The following IL1RAPL2 variants were observed in gnomAD, a reference collection of about 807,000 sequenced individuals.
IL1RAPL2 encodes the protein interleukin 1 receptor accessory protein like 2, also known as X-linked interleukin-1 receptor accessory protein-like 2.
Under a neutral mutation model 44.1 loss-of-function variants are expected in IL1RAPL2, and 3 were observed. The ratio of observed to expected loss-of-function variants is 0.07; its 90% confidence interval spans 0.03 to 0.18. The LOEUF (loss-of-function observed/expected upper bound fraction) is 0.18. IL1RAPL2 is among the 10% of genes least tolerant of loss of function. IL1RAPL2 has a pLI of 1.00. For missense variants in IL1RAPL2, 391 were observed against 496.4 expected, an observed-to-expected ratio of 0.79 and a Z score of 2.02; for synonymous variants, 181 against 178.8, an observed-to-expected ratio of 1.01 and a Z score of -0.10.
chrX:105,175,734 TATTCTG>T (rs1229360787), intron 2 of IL1RAPL2, among the ~76,000 whole-genome samples: 1 of 110,978 alleles, frequency 9.0e-6, no homozygotes, highest in African/African-American at 3.3e-5. Context: ...TTACCTCACT[TATTCTG>T]ATTCTGACAA....
At chrX:104,815,893 C>T (rs192014801) in intron 2 of IL1RAPL2, among the ~76,000 whole-genome samples, 3 of 104,677 alleles carry the variant, frequency 2.9e-5, no homozygotes, top group Admixed American at 1.0e-4. Context: ...TGACATCATA[C>T]GTGTTTTTGA....
intron 2 of IL1RAPL2, among the ~76,000 whole-genome samples, chrX:104,754,373 G>A (rs1399891152): frequency 8.9e-6 from 1 of 111,810 alleles, no homozygotes; most frequent in East Asian, 2.8e-4. Flanking sequence ...ACTGGGTATT[G>A]AAATATATTT....
intron 2 of IL1RAPL2, among the ~76,000 whole-genome samples, chrX:104,798,308 A>T (rs920039830): frequency 9.1e-6 from 1 of 109,992 alleles, no homozygotes; most frequent in African/African-American, 3.3e-5. Context: ...CAACCTAGAG[A>T]ACAGCTGGTT....
chrX:105,093,750 G>T (rs1304826780), intron 2 of IL1RAPL2, among the ~76,000 whole-genome samples: 1 of 111,805 alleles, frequency 8.9e-6, no homozygotes, highest in Non-Finnish European at 1.9e-5. Context: ...ACAGTGGCTA[G>T]CAGTAGAAAC....
chrX:105,296,852 A>G (rs1354800647), intron 5 of IL1RAPL2, among the ~76,000 whole-genome samples: 1 of 112,094 alleles, frequency 8.9e-6, no homozygotes, highest in Non-Finnish European at 1.9e-5. Flanking sequence ...TAACTCTAAA[A>G]ACATTCATCT....
chrX:105,038,149 C>A (rs1353305057), intron 2 of IL1RAPL2, among the ~76,000 whole-genome samples: 1 of 111,324 alleles, frequency 9.0e-6, no homozygotes, highest in Non-Finnish European at 1.9e-5. Context: ...ATCAGGCCCA[C>A]ACTTCTGGCT....
chrX:105,489,153 T>C (rs2036291008), intron 6 of IL1RAPL2, among the ~76,000 whole-genome samples: 1 of 111,870 alleles, frequency 8.9e-6, no homozygotes, highest in Non-Finnish European at 1.9e-5. Context: ...CCTGTGGTAA[T>C]GTATGATATA....
chrX:104,671,176 G>A lies in IL1RAPL2; in HGVS notation c.82+12181G>A, dbSNP rs774526233. The stretch of plus-strand genomic sequence containing the variant: ...TGTATAGGTATATACATATGCATGT[G>A]TATACACACACACACACACGCACAC... On this transcript the variant is annotated intron_variant, in intron 2 of 10. Transcript: ENST00000372582. 1.2e-4 allele frequency among the ~76,000 whole-genome samples: 13 copies of A among 110,256 alleles called. No homozygotes were observed. The South Asian group carries it at 4.7e-3, about 40-fold the overall frequency.
At chrX:105,302,543 G>T (rs145682104) in intron 5 of IL1RAPL2, among the ~76,000 whole-genome samples, 85 of 112,008 alleles carry the variant, frequency 7.6e-4, no homozygotes, top group Middle Eastern at 9.3e-3. Context: ...TGTCATCTGT[G>T]TGCTAGGGCA....
intron 2 of IL1RAPL2, among the ~76,000 whole-genome samples, chrX:105,046,794 G>A (rs984914900): frequency 1.1e-4 from 11 of 99,268 alleles, no homozygotes; most frequent in African/African-American, 2.6e-4. Context: ...TCTCTACATC[G>A]CCTACTTTAC....
At chrX:105,749,161 A>G (rs1364500378) in intron 9 of IL1RAPL2, 58 bp downstream of exon 9, 1 of 1,100,706 alleles carries the variant, frequency 9.1e-7, no homozygotes, top group African/African-American at 1.8e-5. Flanking sequence ...TGATTATGTA[A>G]GAGAACTTCC....
intron 3 of IL1RAPL2, among the ~76,000 whole-genome samples, chrX:105,214,725 A>G (rs183935653): frequency 8.9e-6 from 1 of 112,154 alleles, no homozygotes; most frequent in East Asian, 2.8e-4. Context: ...CATAATTGCT[A>G]GTACAACACT....
intron 5 of IL1RAPL2, among the ~76,000 whole-genome samples, chrX:105,342,012 A>G (rs2041383796): frequency 2.7e-5 from 3 of 109,764 alleles, no homozygotes; most frequent in Admixed American, 1.9e-4. Flanking sequence ...CTTTGCAGGG[A>G]CATGGATGAA....
At chrX:104,831,524 G>C in intron 2 of IL1RAPL2, among the ~76,000 whole-genome samples, 1 of 111,649 alleles carries the variant, frequency 9.0e-6, no homozygotes, top group African/African-American at 3.2e-5. Flanking sequence ...AGCAGGGCAG[G>C]GAGTCACACA....
chrX:105,254,778 C>T (rs752818895), intron 4 of IL1RAPL2, among the ~76,000 whole-genome samples: 2 of 112,079 alleles, frequency 1.8e-5, no homozygotes, highest in East Asian at 2.8e-4. Flanking sequence ...ATATGACTAG[C>T]CAGTTGTCCC....
intron 2 of IL1RAPL2, among the ~76,000 whole-genome samples, chrX:105,035,700 C>A (rs1264275130): frequency 1.8e-5 from 2 of 112,230 alleles, no homozygotes; most frequent in Non-Finnish European, 3.8e-5. Flanking sequence ...CTTATTCTCA[C>A]AAATAAAATA....
chrX:105,648,371 A>G (rs2037620875), intron 6 of IL1RAPL2, among the ~76,000 whole-genome samples: 3 of 111,747 alleles, frequency 2.7e-5, no homozygotes, highest in Admixed American at 9.5e-5. Context: ...TGCTAGGAAT[A>G]TGTCCAGTTT....
chrX:105,726,991 G>T (rs2038357699), intron 7 of IL1RAPL2, among the ~76,000 whole-genome samples: 1 of 110,153 alleles, frequency 9.1e-6, no homozygotes, highest in Admixed American at 9.7e-5. Flanking sequence ...ATGGGGAGGG[G>T]GGAGCAAATA....
chrX:105,304,357 G>A (rs1445189141), intron 5 of IL1RAPL2, among the ~76,000 whole-genome samples: 1 of 112,669 alleles, frequency 8.9e-6, no homozygotes, highest in Non-Finnish European at 1.9e-5. Context: ...ATTAGCTGAA[G>A]AGTGAAGAGT....
Sources: allele counts gnomAD v4.1 joint callset (sites outside exome capture counted in the v4.1 genomes callset), GRCh38; gene constraint gnomAD v4.1.1; transcripts MANE v1.5; gene names NCBI Gene and HGNC (gene_info 2026-07-23, HGNC 2026-07-21).